The following DMD variants were observed in gnomAD, a reference collection of about 807,000 sequenced individuals.
DMD encodes the protein mutant dystrophin.
DMD carries 63 observed loss-of-function variants against 330.1 expected under a neutral mutation model. The observed-to-expected ratio is 0.19, with a 90% CI of 0.16 to 0.24. DMD has a LOEUF of 0.24. Ranked by LOEUF, DMD falls within the 10% of genes least tolerant of loss-of-function variation. DMD has a pLI of 1.00. For synonymous variants in DMD, 1,223 were observed against 959.8 expected (o/e 1.27, Z -5.07); for missense variants, 3,344 against 2,684.1 (o/e 1.25, Z -5.43).
At chrX:32,220,792 C>T (rs1467330580) in intron 43 of DMD, among the ~76,000 whole-genome samples, 1 of 110,781 alleles carries the variant, frequency 9.0e-6, no homozygotes, top group Admixed American at 9.7e-5. Context: ...CAAGTAGAGA[C>T]ATCAAAAATA....
In DMD at chrX:32,847,419, G is replaced by T. The variant is rs189724860; in HGVS notation, c.186+2309C>A. On this transcript the variant is annotated intron_variant, in intron 3 of 78. Transcript: ENST00000357033. ...CCTTTTAACCCTGGGGATGTCCTGA[G>T]CCAATAATCCAAATGCAGATGCTTC... Among the ~76,000 whole-genome samples, 168 of 112,020 alleles carry T rather than the reference G, an allele frequency of 1.5e-3. 2 individuals carry two copies. The highest frequency in any genetic ancestry group is 2.0e-3 in the Non-Finnish European group (107 of 53,224).
chrX:33,064,174 T>G (rs1028832141), intron 1 of DMD, among the ~76,000 whole-genome samples: 1 of 111,689 alleles, frequency 9.0e-6, no homozygotes, highest in African/African-American at 3.3e-5. Flanking sequence ...TCATTTTTCA[T>G]GTAACATTGT....
chrX:32,912,890 T>C (rs1035737131), intron 2 of DMD, among the ~76,000 whole-genome samples: 1 of 112,494 alleles, frequency 8.9e-6, no homozygotes, highest in Non-Finnish European at 1.9e-5. Context: ...TGATTGAAAC[T>C]GTATGTCTTA....
chrX:32,484,618 C>G (rs1428779131), intron 21 of DMD, among the ~76,000 whole-genome samples: 1 of 112,110 alleles, frequency 8.9e-6, no homozygotes, highest in African/African-American at 3.2e-5. Context: ...ATGACCTCAA[C>G]TGCTCTTTTA....
intron 1 of DMD, among the ~76,000 whole-genome samples, chrX:33,263,689 C>G (rs1206624012): frequency 9.2e-6 from 1 of 108,245 alleles, no homozygotes; most frequent in Non-Finnish European, 1.9e-5. Flanking sequence ...AATATGACAC[C>G]AAGTGATAGA....
intron 1 of DMD, among the ~76,000 whole-genome samples, chrX:33,284,868 T>C (rs1301490946): frequency 2.8e-5 from 3 of 106,786 alleles, no homozygotes; most frequent in African/African-American, 1.0e-4. Flanking sequence ...AGCTTTTTCC[T>C]TTGAGAACTG....
chrX:32,364,768 T>G lies in DMD; in HGVS notation c.5026-58A>C, dbSNP rs2097848646. 3.5e-6 allele frequency: 4 copies of G among 1,141,233 alleles called. No individual in the cohort carries two copies. In the Admixed American group the frequency reaches 9.0e-5, roughly 26 times the overall value. The allele number at this position is 1,141,233 out of a possible 1,213,427, so 94.1% of individuals were successfully genotyped here. ...TGGTTAGACAATATTCTTAAAGAAT[T>G]TTTCCTATGTTCTAAAATGTTTAAA... is the stretch of plus-strand genomic sequence containing the variant. On this transcript the variant is annotated intron_variant, in intron 35 of 78. Coordinates refer to ENST00000357033, the MANE Select transcript of DMD (RefSeq NM_004006.3).
At chrX:32,382,202 C>T (rs1364447506) in intron 33 of DMD, among the ~76,000 whole-genome samples, 1 of 111,547 alleles carries the variant, frequency 9.0e-6, no homozygotes, top group Non-Finnish European at 1.9e-5. Context: ...CAAGATTTGG[C>T]TTTTGTTGCT....
intron 57 of DMD, among the ~76,000 whole-genome samples, chrX:31,482,512 G>A (rs1281237907): frequency 4.5e-5 from 5 of 110,705 alleles, no homozygotes; most frequent in Non-Finnish European, 9.4e-5. Context: ...TTCAAGGAGA[G>A]AGTGAGAATT....
intron 63 of DMD, among the ~76,000 whole-genome samples, chrX:31,251,485 G>A (rs2404508): frequency 0.25 from 28,028 of 111,041 alleles, 2,749 homozygotes; most frequent in East Asian, 0.47. Context: ...AGCGATGAAC[G>A]CTTTGTGGAA....
intron 21 of DMD, among the ~76,000 whole-genome samples, chrX:32,478,969 G>T (rs2041530780): frequency 9.0e-6 from 1 of 111,089 alleles, no homozygotes; most frequent in Non-Finnish European, 1.9e-5. Context: ...CTGGACAACT[G>T]ATTTATTTTC....
At chrX:32,486,136 C>A (rs1275814689) in intron 20 of DMD, among the ~76,000 whole-genome samples, 1 of 110,705 alleles carries the variant, frequency 9.0e-6, no homozygotes, top group Non-Finnish European at 1.9e-5. Context: ...CAGTAGTACC[C>A]TGGTTTGTAT....
chrX:32,987,858 C>T (rs1249258007), intron 2 of DMD, among the ~76,000 whole-genome samples: 1 of 108,521 alleles, frequency 9.2e-6, no homozygotes, highest in African/African-American at 3.4e-5. Flanking sequence ...GAGGGTGTAT[C>T]CTCCCTGAGT....
At chrX:31,820,434 A>G (rs2092727649) in intron 49 of DMD, among the ~76,000 whole-genome samples, 1 of 112,303 alleles carries the variant, frequency 8.9e-6, no homozygotes, top group Admixed American at 9.4e-5. Context: ...AATTATCCAG[A>G]TAACTTTAGG....
chrX:31,353,316 T>C (rs1242948038), intron 60 of DMD, among the ~76,000 whole-genome samples: 1 of 111,376 alleles, frequency 9.0e-6, no homozygotes, highest in Non-Finnish European at 1.9e-5. Context: ...ACTGAAAATT[T>C]CTGTGACATG....
At chrX:31,544,455 G>C (rs1395678237) in intron 55 of DMD, among the ~76,000 whole-genome samples, 2 of 110,994 alleles carry the variant, frequency 1.8e-5, no homozygotes, top group South Asian at 3.9e-4. Context: ...CCCTGAAGCA[G>C]GTCATGAGAC....
chrX:31,122,311 A>ATGAG (rs1285304366), intron 78 of DMD, among the ~76,000 whole-genome samples: 2 of 110,756 alleles, frequency 1.8e-5, no homozygotes, highest in South Asian at 4.1e-4. Flanking sequence ...CACCTTGGCT[A>ATGAG]TGAGTGATTG....
intron 44 of DMD, among the ~76,000 whole-genome samples, chrX:31,997,438 T>G (rs1355338207): frequency 1.8e-5 from 2 of 109,009 alleles, no homozygotes; most frequent in Non-Finnish European, 3.8e-5. Context: ...GTTTTTTGTT[T>G]TTTTAGAGCT....
intron 61 of DMD, among the ~76,000 whole-genome samples, chrX:31,338,943 C>CAA (rs151110457): frequency 9.4e-4 from 60 of 64,035 alleles, no homozygotes; most frequent in Non-Finnish European, 1.2e-3. Flanking sequence ...CATCTATGCA[C>CAA]AAAAAAAAAA....
Sources: gnomAD v4.1 joint callset for allele counts (sites outside exome capture counted in the v4.1 genomes callset) on GRCh38, gnomAD v4.1.1 for gene constraint, MANE v1.5 for transcripts, NCBI Gene and HGNC (gene_info 2026-07-23, HGNC 2026-07-21) for gene names.